ASPH: variants seen among roughly 807,000 people sequenced by gnomAD.
ASPH encodes the protein aspartyl/asparaginyl beta-hydroxylase.
A neutral mutation model predicts 118.4 loss-of-function variants in ASPH; 100 were observed. That is an observed-to-expected ratio of 0.84 (90% CI 0.72 to 1.00). ASPH has a LOEUF of 1.00. ASPH is among the 50% of genes least tolerant of loss of function. The probability of loss-of-function intolerance (pLI) is 0.00; values close to 1 mark genes in which losing one functional copy is unlikely to be tolerated. For missense variants in ASPH, 920 were observed against 919.5 expected (o/e 1.00, Z -0.01); for synonymous variants, 315 against 325.6 (o/e 0.97, Z 0.35).
intron 1 of ASPH, among the ~76,000 whole-genome samples, chr8:61,692,714 A>G (rs1213732577): frequency 6.6e-6 from 1 of 152,144 alleles, no homozygotes; most frequent in African/African-American, 2.4e-5. Context: ...AGAGTCAAAC[A>G]GGGCTTGTTA....
At chr8:61,671,352 A>G (rs1822405028) in intron 3 of ASPH, among the ~76,000 whole-genome samples, 1 of 152,202 alleles carries the variant, frequency 6.6e-6, no homozygotes, top group South Asian at 2.1e-4. Context: ...AAAAGAAAAA[A>G]GGGAACATTC....
intron 21 of ASPH, among the ~76,000 whole-genome samples, chr8:61,533,104 CT>C (rs71559337): frequency 2.5e-3 from 361 of 141,632 alleles, no homozygotes; most frequent in East Asian, 5.1e-3. Context: ...ATTTCTTCTT[CT>C]TTTTTTTTTT....
chr8:61,579,720 G>T (rs1245310624), intron 15 of ASPH: 14 of 1,023,916 alleles, frequency 1.4e-5, no homozygotes, highest in Non-Finnish European at 2.0e-5. Context: ...CTGCCCCAGA[G>T]CCTGAGAAGG....
At chr8:61,683,961 T>C (rs575920741) in intron 2 of ASPH, 78 bp downstream of exon 2, 5 of 1,498,800 alleles carry the variant, frequency 3.3e-6, no homozygotes, top group South Asian at 1.2e-5. Context: ...ACCAGAAAGA[T>C]GATAACAAAT....
intron 10 of ASPH, among the ~76,000 whole-genome samples, chr8:61,638,819 G>C (rs1476535682): frequency 6.6e-6 from 1 of 152,102 alleles, no homozygotes; most frequent in Non-Finnish European, 1.5e-5. Context: ...TCCCTCATTT[G>C]CTGGCATGAG....
rs1178263080 is a variant in ASPH at position 61,653,769 on chromosome 8, AAT to A, written c.323-111_323-110del. 1.9e-5 allele frequency: 21 copies of A among 1,110,902 alleles called. No homozygotes were observed. In the East Asian group the frequency reaches 4.7e-4, roughly 25 times the overall value. 68.8% of individuals were successfully genotyped at this position (1,110,902 alleles called of 1,614,324 possible). Reference sequence around the variant, plus strand: ...CATTTAATTAATAGTGCTGCTAATTAATAGTTTCTAAAATTGTATGCTTAAAA... The same window carrying A: ...CATTTAATTAATAGTGCTGCTAATTAAGTTTCTAAAATTGTATGCTTAAAA... On this transcript the variant is annotated intron_variant, in intron 3 of 24. Coordinates refer to ENST00000379454, the MANE Select transcript of ASPH (RefSeq NM_004318.4).
chr8:61,682,405 C>A, intron 2 of ASPH: 1 of 1,594,324 alleles, frequency 6.3e-7, no homozygotes, highest in Non-Finnish European at 8.6e-7. Flanking sequence ...GAGAGTAACA[C>A]ACGTAGACTT....
chr8:61,561,132 G>GA (rs1829809381), intron 18 of ASPH, among the ~76,000 whole-genome samples: 1 of 82,104 alleles, frequency 1.2e-5, no homozygotes, highest in African/African-American at 8.7e-5. Flanking sequence ...GGGAGGGAGG[G>GA]AGGGAGGAAG....
intron 2 of ASPH, among the ~76,000 whole-genome samples, chr8:61,683,232 A>G (rs900289051): frequency 1.3e-5 from 2 of 152,050 alleles, no homozygotes; most frequent in African/African-American, 4.8e-5. Flanking sequence ...AATAATCTGG[A>G]ACTAGATAAT....
At chr8:61,548,990 C>T (rs1824905845) in intron 20 of ASPH, among the ~76,000 whole-genome samples, 1 of 152,092 alleles carries the variant, frequency 6.6e-6, no homozygotes, top group Admixed American at 6.6e-5. Flanking sequence ...TCCAAGGAGC[C>T]CTGCCCACTT....
chr8:61,557,519 A>G (rs1828312688), intron 18 of ASPH, among the ~76,000 whole-genome samples: 1 of 152,154 alleles, frequency 6.6e-6, no homozygotes. Flanking sequence ...CCGCATTACT[A>G]AAACTGAACC....
At chr8:61,665,960 G>A (rs1819356949) in intron 3 of ASPH, among the ~76,000 whole-genome samples, 2 of 152,046 alleles carry the variant, frequency 1.3e-5, no homozygotes, top group Non-Finnish European at 2.9e-5. Flanking sequence ...AGGAACACTG[G>A]CAACGTAAGA....
At chr8:61,556,058 A>G (rs751975662) in intron 18 of ASPH, 36 bp from the exon 19 acceptor site, 5 of 1,576,032 alleles carry the variant, frequency 3.2e-6, no homozygotes, top group African/African-American at 1.4e-5. Context: ...TAACTCAAAG[A>G]AAACATAGGT....
intron 9 of ASPH, 127 bp from the exon 10 acceptor site, chr8:61,643,047 G>A: frequency 2.3e-6 from 2 of 853,392 alleles, no homozygotes; most frequent in South Asian, 2.2e-5. Flanking sequence ...ATTAATGTCT[G>A]CTCAGTCAAT....
intron 24 of ASPH, among the ~76,000 whole-genome samples, chr8:61,507,602 T>C (rs1420839727): frequency 6.6e-6 from 1 of 152,164 alleles, no homozygotes; most frequent in African/African-American, 2.4e-5. Flanking sequence ...CTACAAGCCA[T>C]GTCCAGACTT....
chr8:61,671,674 A>G (rs976691821), intron 3 of ASPH, among the ~76,000 whole-genome samples: 4 of 152,214 alleles, frequency 2.6e-5, no homozygotes, highest in Non-Finnish European at 5.9e-5. Flanking sequence ...ACTATTTGGG[A>G]ATTCTTATAC....
chr8:61,532,402 G>T (rs1457204472), intron 21 of ASPH, among the ~76,000 whole-genome samples: 1 of 152,094 alleles, frequency 6.6e-6, no homozygotes, highest in African/African-American at 2.4e-5. Flanking sequence ...CCATTGAGTT[G>T]CATTAGTTCC....
rs182206122 is a variant in ASPH at position 61,567,533 on chromosome 8, A to G, written c.1150-215T>C. 2.0e-3 allele frequency among the ~76,000 whole-genome samples: 305 copies of G among 152,356 alleles called. 2 individuals carry two copies. The highest frequency in any genetic ancestry group is 6.9e-3 in the African/African-American group (289 of 41,588). ...CAAGGTAAAGTTTGTTACTAAAGAC[A>G]AGAAAGAATGTCATAAATGCAGGAC... On this transcript the variant is annotated intron_variant, in intron 16 of 24. Transcript: ENST00000379454.
intron 15 of ASPH, among the ~76,000 whole-genome samples, chr8:61,577,841 G>A (rs1483930213): frequency 6.6e-6 from 1 of 152,152 alleles, no homozygotes; most frequent in Non-Finnish European, 1.5e-5. Context: ...TGGGGATTAT[G>A]GGGATTACAA....
Sources: allele counts gnomAD v4.1 joint callset (sites outside exome capture counted in the v4.1 genomes callset), GRCh38; gene constraint gnomAD v4.1.1; transcripts MANE v1.5; gene names NCBI Gene and HGNC (gene_info 2026-07-23, HGNC 2026-07-21).